Variants in YES1 observed in about 807,000 individuals in gnomAD.
The protein encoded by YES1 is tyrosine-protein kinase Yes.
Under a neutral mutation model 70.4 loss-of-function variants are expected in YES1, and 39 were observed. That is an observed-to-expected ratio of 0.55 (90% CI 0.43 to 0.72). The LOEUF is 0.72. YES1 is among the 30% of genes least tolerant of loss of function. YES1 has a pLI of 0.00. For synonymous variants in YES1, 198 were observed against 218.6 expected (o/e 0.91, Z 0.83); for missense variants, 495 against 644.8 (o/e 0.77, Z 2.52).
intron 10 of YES1, chr18:736,080 G>A (rs1377506489): frequency 2.6e-5 from 4 of 152,918 alleles, no homozygotes; most frequent in Non-Finnish European, 5.8e-5. Context: ...GCTGAGGTGG[G>A]AGGATCACCT....
At chr18:728,276 C>T (rs2080045522) in intron 11 of YES1, among the ~76,000 whole-genome samples, 1 of 150,644 alleles carries the variant, frequency 6.6e-6, no homozygotes, top group African/African-American at 2.4e-5. Context: ...GCAGTGAGCC[C>T]TGATTGTGCC....
In YES1 at chr18:751,755, T is replaced by G; in HGVS notation, c.321A>C (p.Thr107=). 1.2e-6 allele frequency: 2 copies of G among 1,606,768 alleles called. No individual in the cohort carries two copies. Among genetic ancestry groups the G allele is most frequent in the African/African-American group, 2.7e-5 (2 of 74,868 alleles). The change falls in exon 3 of 12, where the codon ACA becomes ACC. Residue 107 remains threonine, a synonymous_variant. Coordinates refer to ENST00000314574, the MANE Select transcript of YES1 (RefSeq NM_005433.4). ...VALYDYEART[T]EDLSFKKGER... ...CACCCTTCTTAAATGAAAGGTCTTCTGTAGTTCTAGCTTCATAATCATATA... is the reference window on the plus strand; with the variant it reads ...CACCCTTCTTAAATGAAAGGTCTTCGGTAGTTCTAGCTTCATAATCATATA...
At chr18:740,642 G>C (rs1347359964) in intron 8 of YES1, among the ~76,000 whole-genome samples, 1 of 152,144 alleles carries the variant, frequency 6.6e-6, no homozygotes, top group Admixed American at 6.5e-5. Flanking sequence ...AATGAGTTTG[G>C]ACAGATTATA....
chr18:746,914 GTATA>G (rs555307370), intron 4 of YES1, among the ~76,000 whole-genome samples: 1 of 152,104 alleles, frequency 6.6e-6, no homozygotes, highest in Non-Finnish European at 1.5e-5. Flanking sequence ...GTGTGTGCAT[GTATA>G]TATATACACA....
intron 1 of YES1, among the ~76,000 whole-genome samples, chr18:788,354 A>T (rs115046804): frequency 0.016 from 2,495 of 152,320 alleles, 64 homozygotes; most frequent in African/African-American, 0.057. Context: ...CCTAAAAATT[A>T]AAACCAGAAC....
intron 1 of YES1, among the ~76,000 whole-genome samples, chr18:767,079 G>A (rs1369656629): frequency 6.6e-6 from 1 of 151,870 alleles, no homozygotes. Flanking sequence ...TCTTCTGTAA[G>A]TCTGAACTCT....
intron 10 of YES1, among the ~76,000 whole-genome samples, chr18:734,129 CT>C (rs1225002525): frequency 6.6e-6 from 1 of 151,032 alleles, no homozygotes; most frequent in Non-Finnish European, 1.5e-5. Flanking sequence ...AAATACAAAA[CT>C]TAGCCAGGTG....
Position 762,958 on chromosome 18 carries a change from A to G in YES1, c.-8-6123T>C, listed in dbSNP as rs1275429416. 5.9e-5 allele frequency among the ~76,000 whole-genome samples: 9 copies of G among 152,358 alleles called. No individual in the cohort carries two copies. The South Asian group carries it at 1.4e-3, about 25-fold the overall frequency. On this transcript the variant is annotated intron_variant, in intron 1 of 11. Transcript: ENST00000314574. ...CCATGGAAATACAACAAATGTTATCAGCTCTGCTTAAAGCACTTAGGAAAA... is the reference window on the plus strand; with the variant it reads ...CCATGGAAATACAACAAATGTTATCGGCTCTGCTTAAAGCACTTAGGAAAA...
intron 1 of YES1, among the ~76,000 whole-genome samples, chr18:782,845 C>A (rs993011736): frequency 1.3e-5 from 2 of 152,158 alleles, no homozygotes; most frequent in African/African-American, 4.8e-5. Context: ...CTGGTGTGCA[C>A]CACCATGCCC....
intron 1 of YES1, among the ~76,000 whole-genome samples, chr18:787,402 C>T (rs938345789): frequency 2.0e-5 from 3 of 151,678 alleles, no homozygotes; most frequent in African/African-American, 7.2e-5. Context: ...CCAGCTGATA[C>T]ATACTGTATT....
At chr18:783,463 A>G (rs1455446034) in intron 1 of YES1, among the ~76,000 whole-genome samples, 1 of 152,120 alleles carries the variant, frequency 6.6e-6, no homozygotes, top group Non-Finnish European at 1.5e-5. Flanking sequence ...ATATGAATGC[A>G]ATGTTATAAC....
chr18:724,513 C>A lies in YES1; in HGVS notation c.1543G>T (p.Glu515Ter). ...TGAATATATTCAAATGTTGGTCTTT[C>A]ATCAGGGTCCTTCTTCCAACACAGA... ...MNLCWKKDPD[E>*]RPTFEYIQSF... The change falls in exon 12 of 12, where the codon GAA (glutamate) becomes TAA (stop). Residue 515 changes from glutamate to a stop codon, truncating the protein, a stop_gained. Coordinates refer to ENST00000314574, the MANE Select transcript of YES1 (RefSeq NM_005433.4). LOFTEE classifies it high-confidence loss of function. 3.1e-6 allele frequency: 5 copies of A among 1,614,190 alleles called. No homozygotes were observed. Among genetic ancestry groups the A allele is most frequent in the Non-Finnish European group, 4.2e-6 (5 of 1,180,034 alleles).
At chr18:794,479 T>C (rs917185857) in intron 1 of YES1, among the ~76,000 whole-genome samples, 17 of 152,194 alleles carry the variant, frequency 1.1e-4, no homozygotes, top group Admixed American at 7.2e-4. Flanking sequence ...AGAATATTAT[T>C]AGGACAATTG....
chr18:788,906 A>G (rs2145812290), intron 1 of YES1, among the ~76,000 whole-genome samples: 1 of 152,354 alleles, frequency 6.6e-6, no homozygotes, highest in Admixed American at 6.5e-5. Flanking sequence ...AGCCTGGATG[A>G]CAGAGTTAAA....
intron 1 of YES1, among the ~76,000 whole-genome samples, chr18:759,312 C>T (rs1033843149): frequency 2.0e-5 from 3 of 152,148 alleles, no homozygotes; most frequent in East Asian, 3.9e-4. Flanking sequence ...ATTAAAAATA[C>T]AAAAATTAGC....
Position 723,073 on chromosome 18 carries a change from CAG to C in YES1, c.*1349_*1350del, listed in dbSNP as rs1038658758. 6.6e-6 allele frequency: 1 copy of C among 151,974 alleles called. No homozygotes were observed. The highest frequency in any genetic ancestry group is 1.5e-5 in the Non-Finnish European group (1 of 68,008). The allele number at this position is 151,974 out of a possible 1,614,324, so 9.4% of individuals were successfully genotyped here. ...CGCCACTGCACTCCAGCCTGGGCGACAGAGCGAGACTCCGTCTCAAAAAAGAA... is the reference window on the plus strand; with the variant it reads ...CGCCACTGCACTCCAGCCTGGGCGACAGCGAGACTCCGTCTCAAAAAAGAA... On this transcript the variant is annotated 3_prime_UTR_variant, in exon 12 of 12. Transcript: ENST00000314574.
intron 1 of YES1, among the ~76,000 whole-genome samples, chr18:768,150 C>T (rs555850421): frequency 1.5e-4 from 23 of 152,290 alleles, no homozygotes; most frequent in Non-Finnish European, 2.8e-4. Flanking sequence ...TCAGACAATA[C>T]GCACAACACA....
chr18:793,633 G>C (rs1369001804), intron 1 of YES1, among the ~76,000 whole-genome samples: 1 of 152,154 alleles, frequency 6.6e-6, no homozygotes, highest in Non-Finnish European at 1.5e-5. Context: ...CACTGTGTCT[G>C]ACCTGCATGA....
At position 743,319 on chromosome 18, in the gene YES1, C is replaced by T. The variant is rs752661671; in HGVS notation, c.821G>A (p.Arg274Gln). The T allele has an allele frequency of 3.7e-6, 6 of 1,612,256 alleles. No homozygotes were observed. The highest frequency in any genetic ancestry group is 3.3e-5 in the South Asian group (3 of 90,994). ...GLAKDAWEIPRESLRLEVKLG... is the reference protein window; with the variant it reads ...GLAKDAWEIPQESLRLEVKLG... ...TTTAACCTCTAGTCGCAAAGATTCT[C>T]GAGGGATTTCCCAAGCATCTTTTGC... Residue 274 changes from arginine to glutamine, a missense_variant, in exon 7 of 12, where the codon CGA (arginine) becomes CAA (glutamine). By Grantham distance (43) the Arg-to-Gln change is conservative (BLOSUM62 1). Coordinates refer to ENST00000314574, the MANE Select transcript of YES1 (RefSeq NM_005433.4).
Sources: gnomAD v4.1 joint callset for allele counts (sites outside exome capture counted in the v4.1 genomes callset) on GRCh38, gnomAD v4.1.1 for gene constraint, MANE v1.5 for transcripts, NCBI Gene and HGNC (gene_info 2026-07-23, HGNC 2026-07-21) for gene names.